INPP4B: variants seen among roughly 807,000 people sequenced by gnomAD.
The protein encoded by INPP4B is inositol polyphosphate-4-phosphatase type II B, also known as inositol polyphosphate 4-phosphatase type II.
In INPP4B, 55 loss-of-function variants were observed where a neutral mutation model predicts 122.5. The ratio of observed to expected loss-of-function variants is 0.45; its 90% CI spans 0.36 to 0.56. INPP4B has a LOEUF of 0.56. INPP4B is among the 20% of genes least tolerant of loss of function. INPP4B has a pLI of 0.00. For missense variants in INPP4B, 1,000 were observed against 1,097.7 expected (o/e 0.91, Z 1.26); for synonymous variants, 403 against 388.7 (o/e 1.04, Z -0.43).
chr4:142,712,468 G>A (rs1197594311), intron 2 of INPP4B, among the ~76,000 whole-genome samples: 2 of 152,162 alleles, frequency 1.3e-5, no homozygotes, highest in African/African-American at 4.8e-5. Context: ...CTGCCATTGG[G>A]TCCTTCCTTT....
chr4:142,781,787 T>C (rs926024602), intron 1 of INPP4B, among the ~76,000 whole-genome samples: 3 of 152,000 alleles, frequency 2.0e-5, no homozygotes, highest in Non-Finnish European at 4.4e-5. Context: ...TAGAATATAA[T>C]ACTAAAATAA....
chr4:142,610,412 T>A (rs1438377688), intron 2 of INPP4B, among the ~76,000 whole-genome samples: 3 of 152,164 alleles, frequency 2.0e-5, no homozygotes, highest in African/African-American at 7.2e-5. Flanking sequence ...TAACCTCAAA[T>A]AGCCATCTGA....
intron 3 of INPP4B, among the ~76,000 whole-genome samples, chr4:142,458,262 A>C (rs559858381): frequency 6.6e-6 from 1 of 152,292 alleles, no homozygotes; most frequent in East Asian, 1.9e-4. Context: ...GAAAAAGTCC[A>C]GTAAGTAAGC....
intron 9 of INPP4B, among the ~76,000 whole-genome samples, chr4:142,279,537 C>A (rs113991603): frequency 0.017 from 2,364 of 139,866 alleles, 60 homozygotes; most frequent in African/African-American, 0.062. Context: ...AATTAAACAT[C>A]CATTTGGAAA....
intron 25 of INPP4B, among the ~76,000 whole-genome samples, chr4:142,058,304 T>C (rs1758766255): frequency 2.0e-5 from 3 of 152,176 alleles, no homozygotes; most frequent in Non-Finnish European, 4.4e-5. Flanking sequence ...CAGATCATAT[T>C]ATTATAAAGC....
intron 2 of INPP4B, among the ~76,000 whole-genome samples, chr4:142,507,854 C>T (rs763353544): frequency 1.8e-4 from 27 of 152,128 alleles, no homozygotes; most frequent in Non-Finnish European, 3.5e-4. Context: ...CCCAACCTGA[C>T]TATTGACTTA....
intron 2 of INPP4B, among the ~76,000 whole-genome samples, chr4:142,702,730 C>CA (rs35472471): frequency 0.084 from 5,348 of 63,698 alleles, 296 homozygotes; most frequent in African/African-American, 0.2. Context: ...AACTCCGTCT[C>CA]AAAAAAAAAA....
intron 2 of INPP4B, among the ~76,000 whole-genome samples, chr4:142,498,408 C>T (rs1052126550): frequency 1.3e-4 from 19 of 151,896 alleles, no homozygotes; most frequent in African/African-American, 4.6e-4. Flanking sequence ...ATTAGAGCTA[C>T]CTTAAAAGTT....
intron 17 of INPP4B, among the ~76,000 whole-genome samples, chr4:142,149,256 G>C (rs1241752340): frequency 6.6e-6 from 1 of 152,182 alleles, no homozygotes; most frequent in African/African-American, 2.4e-5. Context: ...TAGAGAAAGA[G>C]GGAGGAAGCA....
At chr4:142,115,004 C>T (rs146661028) in intron 21 of INPP4B, among the ~76,000 whole-genome samples, 8,548 of 152,048 alleles carry the variant, frequency 0.056, 338 homozygotes, top group African/African-American at 0.11. Context: ...ACAAGAACTA[C>T]ATGATGCATG....
intron 7 of INPP4B, among the ~76,000 whole-genome samples, chr4:142,327,213 A>G (rs1772704435): frequency 6.6e-6 from 1 of 152,168 alleles, no homozygotes; most frequent in Non-Finnish European, 1.5e-5. Context: ...ATATGAACAA[A>G]AGCACACGTC....
chr4:142,261,801 G>A (rs1405906817), intron 10 of INPP4B, among the ~76,000 whole-genome samples: 2 of 152,134 alleles, frequency 1.3e-5, no homozygotes, highest in Admixed American at 1.3e-4. Context: ...GTTACTTTCT[G>A]TTTTCTTATA....
At chr4:142,064,338 A>G (rs1414233653) in intron 25 of INPP4B, among the ~76,000 whole-genome samples, 1 of 152,234 alleles carries the variant, frequency 6.6e-6, no homozygotes, top group African/African-American at 2.4e-5. Flanking sequence ...GATGAAACTC[A>G]TCAAATGCTT....
intron 2 of INPP4B, among the ~76,000 whole-genome samples, chr4:142,639,892 C>T (rs1750004275): frequency 6.6e-6 from 1 of 152,092 alleles, no homozygotes; most frequent in Non-Finnish European, 1.5e-5. Flanking sequence ...GTTCACTACC[C>T]ATGTATCTCA....
intron 2 of INPP4B, among the ~76,000 whole-genome samples, chr4:142,660,411 C>T (rs1754959483): frequency 6.6e-6 from 1 of 152,094 alleles, no homozygotes; most frequent in Non-Finnish European, 1.5e-5. Context: ...TAAAATGTAT[C>T]CTGAACCCCT....
intron 2 of INPP4B, among the ~76,000 whole-genome samples, chr4:142,641,219 C>T (rs1236851541): frequency 6.6e-6 from 1 of 151,996 alleles, no homozygotes; most frequent in African/African-American, 2.4e-5. Context: ...AAAATGTGGT[C>T]TATTCATACA....
intron 16 of INPP4B, among the ~76,000 whole-genome samples, chr4:142,169,070 A>G (rs1275234309): frequency 1.3e-5 from 2 of 151,690 alleles, no homozygotes; most frequent in Non-Finnish European, 3.0e-5. Context: ...CATAAACAGC[A>G]GAAGTTCTGA....
intron 2 of INPP4B, among the ~76,000 whole-genome samples, chr4:142,530,759 G>A (rs1166771894): frequency 6.6e-6 from 1 of 151,988 alleles, no homozygotes; most frequent in African/African-American, 2.4e-5. Context: ...ATATCTGGAG[G>A]AAGTACATTC....
intron 12 of INPP4B, among the ~76,000 whole-genome samples, chr4:142,214,204 T>G (rs1479981630): frequency 6.6e-6 from 1 of 152,296 alleles, no homozygotes; most frequent in East Asian, 1.9e-4. Flanking sequence ...CAGGAGCTAT[T>G]TTTCAAATGA....
Sources: allele counts gnomAD v4.1 joint callset (sites outside exome capture counted in the v4.1 genomes callset), GRCh38; gene constraint gnomAD v4.1.1; transcripts MANE v1.5; gene names NCBI Gene and HGNC (gene_info 2026-07-23, HGNC 2026-07-21).